SAMD4A: variants seen among roughly 807,000 people sequenced by gnomAD.
SAMD4A encodes the protein sterile alpha motif domain containing 4A, also known as protein Smaug homolog 1.
In SAMD4A, 33 loss-of-function variants were observed where a neutral mutation model predicts 81.3. The ratio of observed to expected loss-of-function variants is 0.41; its 90% CI spans 0.31 to 0.54. The LOEUF is 0.54. Among genes scored for constraint, SAMD4A ranks in the 20% least tolerant of loss-of-function variants. The probability of loss-of-function intolerance (pLI) is 0.37; values close to 1 mark genes in which losing one functional copy is unlikely to be tolerated. For missense variants in SAMD4A, 854 were observed against 951.1 expected (o/e 0.90, Z 1.34); for synonymous variants, 389 against 382.1 (o/e 1.02, Z -0.21).
At chr14:54,784,381 G>A in intron 11 of SAMD4A, 156 bp from the exon 12 acceptor site, 1 of 1,571,474 alleles carries the variant, frequency 6.4e-7, no homozygotes, top group Non-Finnish European at 8.6e-7. Flanking sequence ...AGACCTTAGA[G>A]GTTGGTTGAG....
At chr14:54,575,125 C>G (rs1205564953) in intron 2 of SAMD4A, among the ~76,000 whole-genome samples, 5 of 152,106 alleles carry the variant, frequency 3.3e-5, no homozygotes, top group Non-Finnish European at 7.3e-5. Flanking sequence ...GAATGTCCCC[C>G]CAACCCCCTA....
intron 2 of SAMD4A, among the ~76,000 whole-genome samples, chr14:54,654,578 A>C (rs2035479055): frequency 6.6e-6 from 1 of 152,206 alleles, no homozygotes; most frequent in Non-Finnish European, 1.5e-5. Context: ...AAAAACAGCA[A>C]TGTTGAGATT....
chr14:54,570,676 T>C (rs2033103770), intron 2 of SAMD4A, among the ~76,000 whole-genome samples: 1 of 152,216 alleles, frequency 6.6e-6, no homozygotes, highest in African/African-American at 2.4e-5. Flanking sequence ...TATAATAACA[T>C]AAACAAATAA....
chr14:54,635,469 G>C (rs2035013593), intron 2 of SAMD4A, among the ~76,000 whole-genome samples: 1 of 151,570 alleles, frequency 6.6e-6, no homozygotes, highest in African/African-American at 2.4e-5. Flanking sequence ...TATCCAACAG[G>C]CCAGGTGCAA....
intron 11 of SAMD4A, among the ~76,000 whole-genome samples, chr14:54,779,509 G>A (rs1357390565): frequency 6.6e-6 from 1 of 152,106 alleles, no homozygotes; most frequent in Non-Finnish European, 1.5e-5. Context: ...GACTTTAAAC[G>A]TCTCATACAG....
intron 4 of SAMD4A, among the ~76,000 whole-genome samples, chr14:54,739,073 T>TTTC (rs2037780511): frequency 6.7e-6 from 1 of 149,396 alleles, no homozygotes; most frequent in Non-Finnish European, 1.5e-5. Context: ...TTTTTTTTTT[T>TTTC]TGAGGCCCTT....
chr14:54,776,770 G>T (rs533175911), intron 11 of SAMD4A, among the ~76,000 whole-genome samples: 3 of 152,288 alleles, frequency 2.0e-5, no homozygotes, highest in Admixed American at 6.5e-5. Flanking sequence ...GGATATTTTT[G>T]ATACTAGTCA....
chr14:54,654,153 T>C (rs1566568201), intron 2 of SAMD4A, among the ~76,000 whole-genome samples: 1 of 152,222 alleles, frequency 6.6e-6, no homozygotes, highest in Non-Finnish European at 1.5e-5. Context: ...GGTAGATGAC[T>C]ATGACATATA....
At chr14:54,595,822 C>A (rs2033897442) in intron 2 of SAMD4A, among the ~76,000 whole-genome samples, 1 of 152,114 alleles carries the variant, frequency 6.6e-6, no homozygotes, top group African/African-American at 2.4e-5. Context: ...TACATGATTT[C>A]CAAATTGTAT....
intron 4 of SAMD4A, among the ~76,000 whole-genome samples, chr14:54,745,254 CTT>C (rs911484550): frequency 6.6e-6 from 1 of 152,224 alleles, no homozygotes; most frequent in Non-Finnish European, 1.5e-5. Context: ...AGTCGACTCT[CTT>C]TGTTCAGCAT....
chr14:54,713,647 G>A (rs1463696424), intron 3 of SAMD4A, among the ~76,000 whole-genome samples: 1 of 152,200 alleles, frequency 6.6e-6, no homozygotes, highest in Non-Finnish European at 1.5e-5. Flanking sequence ...CAGCCTTTCT[G>A]AGATGCATCC....
At chr14:54,603,857 G>A (rs543074193) in intron 2 of SAMD4A, among the ~76,000 whole-genome samples, 9 of 151,826 alleles carry the variant, frequency 5.9e-5, no homozygotes, top group South Asian at 2.1e-4. Flanking sequence ...TGGAGTCCTC[G>A]CTCTGTCTCC....
intron 2 of SAMD4A, among the ~76,000 whole-genome samples, chr14:54,661,007 T>C (rs1414791034): frequency 6.6e-6 from 1 of 152,232 alleles, no homozygotes; most frequent in East Asian, 1.9e-4. Flanking sequence ...AGTGAAGTCC[T>C]GTTTCATGAA....
chr14:54,705,256 G>T (rs922643913), intron 3 of SAMD4A, among the ~76,000 whole-genome samples: 2 of 152,138 alleles, frequency 1.3e-5, no homozygotes, highest in African/African-American at 4.8e-5. Flanking sequence ...CAGAGTCTTT[G>T]CCCTCATTTT....
chr14:54,568,693 A>G (rs1270983348), intron 2 of SAMD4A, among the ~76,000 whole-genome samples: 32 of 352 alleles, frequency 0.091, no homozygotes, highest in Non-Finnish European at 0.16. Flanking sequence ...TTTGCAGCAT[A>G]TATATATATA....
intron 2 of SAMD4A, chr14:54,700,962 G>C (rs886388972): frequency 2.0e-5 from 3 of 151,134 alleles, no homozygotes; most frequent in African/African-American, 7.3e-5. Context: ...ATGGATGGTA[G>C]TGATAGTTGC....
rs538420269 is a variant in SAMD4A, at chr14:54,595,488, A to C, written c.196+27376A>C. Among the ~76,000 whole-genome samples the C allele has an allele frequency of 4.8e-4, 72 of 150,102 alleles. 1 individual carries two copies. The highest frequency in any genetic ancestry group is 1.3e-3 in the Admixed American group (20 of 15,030). ...TATATATATGTTGAATAAATGATTA[A>C]ACGAACTAAAAAAATCTAGTAAGGC... On this transcript the variant is annotated intron_variant, in intron 2 of 12. Transcript: ENST00000554335.
intron 2 of SAMD4A, among the ~76,000 whole-genome samples, chr14:54,607,009 G>A (rs1183915578): frequency 6.6e-6 from 1 of 152,216 alleles, no homozygotes; most frequent in Non-Finnish European, 1.5e-5. Context: ...CACCAGAGCT[G>A]GGATTACCAC....
In SAMD4A at chr14:54,782,005, C is replaced by T. The variant is rs116683402; in HGVS notation, c.2045-2532C>T. 3.6e-3 allele frequency among the ~76,000 whole-genome samples: 545 copies of T among 152,316 alleles called. 5 individuals carry two copies. The highest frequency in any genetic ancestry group is 0.012 in the African/African-American group (515 of 41,566). ...GAGCCACTCGGAGTGTTGGGGGTCA[C>T]GGCTCCCCAGTGCATGGAAGCAAAG... On this transcript the variant is annotated intron_variant, in intron 11 of 12. Transcript: ENST00000554335.
Sources: gnomAD v4.1 joint callset for allele counts (sites outside exome capture counted in the v4.1 genomes callset) on GRCh38, gnomAD v4.1.1 for gene constraint, MANE v1.5 for transcripts, NCBI Gene and HGNC (gene_info 2026-07-23, HGNC 2026-07-21) for gene names.